LARGE1: variants seen among roughly 807,000 people sequenced by gnomAD.
The protein encoded by LARGE1 is LARGE xylosyl- and glucuronyltransferase 1, also known as xylosyl- and glucuronyltransferase LARGE1.
LARGE1 carries 43 observed loss-of-function variants against 87.6 expected under a neutral mutation model. The observed-to-expected ratio is 0.49, with a 90% confidence interval of 0.38 to 0.63. The LOEUF is 0.63. LARGE1 is among the 30% of genes least tolerant of loss of function. The pLI, the probability that LARGE1 is intolerant of heterozygous loss-of-function variation, is 0.00. For synonymous variants in LARGE1, 434 were observed against 394.6 expected (o/e 1.10, Z -1.18); for missense variants, 802 against 1,000.2 (o/e 0.80, Z 2.67).
chr22:33,492,322 G>A (rs767503139), intron 6 of LARGE1, among the ~76,000 whole-genome samples: 4 of 152,178 alleles, frequency 2.6e-5, no homozygotes, highest in East Asian at 1.9e-4. Flanking sequence ...ATTCTCTGAC[G>A]TCTGCTCTGT....
chr22:33,635,040 C>T (rs1036825314), intron 3 of LARGE1, among the ~76,000 whole-genome samples: 6 of 152,044 alleles, frequency 3.9e-5, no homozygotes, highest in African/African-American at 1.2e-4. Flanking sequence ...ATCACTTGAA[C>T]CCGGGAGGTG....
At chr22:33,455,424 C>T (rs2068092840) in intron 6 of LARGE1, among the ~76,000 whole-genome samples, 1 of 151,996 alleles carries the variant, frequency 6.6e-6, no homozygotes, top group Non-Finnish European at 1.5e-5. Flanking sequence ...AGTTGTTTTT[C>T]TGAAAACAAA....
At chr22:33,423,679 C>CAAAA (rs57917109) in intron 7 of LARGE1, among the ~76,000 whole-genome samples, 3,051 of 119,026 alleles carry the variant, frequency 0.026, 103 homozygotes, top group African/African-American at 0.063. Flanking sequence ...GATTCTGTCT[C>CAAAA]AAAAAAAAAA....
At chr22:33,180,160 T>C (rs563450373) in intron 11 of LARGE1, among the ~76,000 whole-genome samples, 2 of 152,302 alleles carry the variant, frequency 1.3e-5, no homozygotes, top group East Asian at 3.9e-4. Context: ...AATACATTTC[T>C]GGTCTTTACA....
intron 6 of LARGE1, among the ~76,000 whole-genome samples, chr22:33,449,474 T>C (rs1037417026): frequency 2.6e-5 from 4 of 152,220 alleles, no homozygotes; most frequent in African/African-American, 9.7e-5. Flanking sequence ...AGATTATCAA[T>C]GTAGCAGAAT....
chr22:33,620,207 A>G (rs546337601), intron 4 of LARGE1, among the ~76,000 whole-genome samples: 1 of 152,390 alleles, frequency 6.6e-6, no homozygotes, highest in East Asian at 1.9e-4. Flanking sequence ...TGATATGCAA[A>G]GTAAGGCAAA....
the LARGE1 span, among the ~76,000 whole-genome samples, chr22:33,143,440 C>T: frequency 6.0e-4 from 91 of 152,224 alleles, 2 homozygotes; most frequent in African/African-American, 1.9e-3. Flanking sequence ...AGTAATAGGA[C>T]AGGTAAGAAG....
chr22:33,310,861 T>C (rs1014050273), intron 11 of LARGE1, among the ~76,000 whole-genome samples: 7 of 152,168 alleles, frequency 4.6e-5, no homozygotes, highest in African/African-American at 1.4e-4. Context: ...CATGTCACAA[T>C]ACAGGAGTGG....
chr22:33,664,054 T>C (rs1240489872), intron 2 of LARGE1, among the ~76,000 whole-genome samples: 1 of 152,150 alleles, frequency 6.6e-6, no homozygotes, highest in Non-Finnish European at 1.5e-5. Flanking sequence ...TCTCACCCCA[T>C]GTGTAACAGC....
upstream of LARGE1, among the ~76,000 whole-genome samples, chr22:33,920,936 G>A (rs1414573620): frequency 6.7e-6 from 1 of 148,614 alleles, no homozygotes; most frequent in Admixed American, 6.7e-5. Flanking sequence ...CGGGCGCTGG[G>A]GTCCGGGCTC....
chr22:33,538,191 C>T (rs2077093926), intron 6 of LARGE1, among the ~76,000 whole-genome samples: 1 of 152,204 alleles, frequency 6.6e-6, no homozygotes, highest in Admixed American at 6.5e-5. Context: ...CAAAGCCCAG[C>T]TCTAGTGCTT....
chr22:33,085,678 T>G, the LARGE1 span, among the ~76,000 whole-genome samples: 1 of 152,234 alleles, frequency 6.6e-6, no homozygotes, highest in African/African-American at 2.4e-5. Flanking sequence ...TAATTCACAT[T>G]AGAAAAATGT....
At chr22:33,335,972 C>T (rs1158856716) in intron 10 of LARGE1, among the ~76,000 whole-genome samples, 12 of 152,146 alleles carry the variant, frequency 7.9e-5, no homozygotes, top group Admixed American at 7.2e-4. Flanking sequence ...AGATCAGGAA[C>T]CAAAGTCCTT....
At chr22:33,781,101 T>A (rs955372008) in intron 1 of LARGE1, among the ~76,000 whole-genome samples, 17 of 152,242 alleles carry the variant, frequency 1.1e-4, no homozygotes, top group African/African-American at 3.1e-4. Flanking sequence ...TGGTATCCAA[T>A]AAATTTGTCT....
chr22:33,715,860 C>T (rs989049586), intron 2 of LARGE1, among the ~76,000 whole-genome samples: 3 of 152,220 alleles, frequency 2.0e-5, no homozygotes, highest in Non-Finnish European at 2.9e-5. Flanking sequence ...GGAAACGCGG[C>T]AGATCCCAGC....
chr22:33,491,899 G>A (rs1469387465), intron 6 of LARGE1, among the ~76,000 whole-genome samples: 2 of 152,264 alleles, frequency 1.3e-5, no homozygotes, highest in Non-Finnish European at 1.5e-5. Flanking sequence ...AACCATTCCC[G>A]AGGCAGCTGA....
intron 6 of LARGE1, among the ~76,000 whole-genome samples, chr22:33,452,350 C>T (rs2067966182): frequency 6.6e-6 from 1 of 152,132 alleles, no homozygotes; most frequent in Non-Finnish European, 1.5e-5. Context: ...GGAAGCACAG[C>T]TGAGGTGACA....
At chr22:33,687,894 G>T (rs2081990537) in intron 2 of LARGE1, among the ~76,000 whole-genome samples, 1 of 152,084 alleles carries the variant, frequency 6.6e-6, no homozygotes, top group Admixed American at 6.6e-5. Context: ...CTTCTCTCTT[G>T]ATGGTAAACA....
intron 1 of LARGE1, among the ~76,000 whole-genome samples, chr22:33,880,335 C>G (rs2064638734): frequency 6.6e-6 from 1 of 152,184 alleles, no homozygotes; most frequent in East Asian, 1.9e-4. Flanking sequence ...ATGGAGCAAA[C>G]AGCAGAGCAA....
Sources: allele counts gnomAD v4.1 joint callset (sites outside exome capture counted in the v4.1 genomes callset), GRCh38; gene constraint gnomAD v4.1.1; transcripts MANE v1.5; gene names NCBI Gene and HGNC (gene_info 2026-07-23, HGNC 2026-07-21).